Variants in ZNF385B observed in about 807,000 individuals in gnomAD.
ZNF385B encodes the protein zinc finger protein 533.
Under a neutral mutation model 39.2 loss-of-function variants are expected in ZNF385B, and 23 were observed. The observed-to-expected ratio is 0.59, with a 90% CI of 0.42 to 0.83. The LOEUF is 0.83. Ranked by LOEUF, ZNF385B falls within the 40% of genes least tolerant of loss-of-function variation. ZNF385B has a pLI of 0.00. For synonymous variants in ZNF385B, 205 were observed against 222.6 expected, an observed-to-expected ratio of 0.92 and a Z score of 0.70; for missense variants, 552 against 598.9, an observed-to-expected ratio of 0.92 and a Z score of 0.82.
At chr2:179,854,488 G>T (rs1684424939) in intron 1 of ZNF385B, among the ~76,000 whole-genome samples, 1 of 150,960 alleles carries the variant, frequency 6.6e-6, no homozygotes, top group African/African-American at 2.4e-5. Context: ...GGCAAAAACT[G>T]TAACTACTTT....
chr2:179,694,097 C>T (rs1575252759), intron 3 of ZNF385B, among the ~76,000 whole-genome samples: 1 of 152,164 alleles, frequency 6.6e-6, no homozygotes, highest in Non-Finnish European at 1.5e-5. Context: ...TGGGGAAACA[C>T]TTCTTAAATA....
chr2:179,748,083 T>C (rs1702480516), intron 3 of ZNF385B, among the ~76,000 whole-genome samples: 1 of 152,110 alleles, frequency 6.6e-6, no homozygotes, highest in African/African-American at 2.4e-5. Flanking sequence ...AAATGGTACC[T>C]AAGCAGATGT....
chr2:179,682,822 C>T (rs900453397), intron 3 of ZNF385B, among the ~76,000 whole-genome samples: 3 of 152,076 alleles, frequency 2.0e-5, no homozygotes, highest in Non-Finnish European at 2.9e-5. Context: ...ATCCATACTT[C>T]GGGTCTCTGA....
intron 5 of ZNF385B, among the ~76,000 whole-genome samples, chr2:179,488,938 C>G (rs1360925366): frequency 6.6e-6 from 1 of 152,120 alleles, no homozygotes; most frequent in Non-Finnish European, 1.5e-5. Flanking sequence ...AACAAAGACC[C>G]CTACTTGCCA....
At chr2:179,563,702 CAT>C (rs1684204720) in intron 3 of ZNF385B, among the ~76,000 whole-genome samples, 1 of 151,976 alleles carries the variant, frequency 6.6e-6, no homozygotes, top group African/African-American at 2.4e-5. Flanking sequence ...CTAAATGAAA[CAT>C]AGTATGCTAG....
intron 3 of ZNF385B, among the ~76,000 whole-genome samples, chr2:179,730,874 G>T (rs62175193): frequency 0.048 from 7,289 of 152,244 alleles, 253 homozygotes; most frequent in Middle Eastern, 0.099. Flanking sequence ...AAGAGTCCTT[G>T]CCACACACTG....
intron 5 of ZNF385B, among the ~76,000 whole-genome samples, chr2:179,510,145 GCTAT>G (rs66756042): frequency 0.71 from 107,453 of 151,624 alleles, 39,236 homozygotes; most frequent in East Asian, 0.91. Flanking sequence ...TAAAGAAGCT[GCTAT>G]CTATCTTAAG....
intron 1 of ZNF385B, among the ~76,000 whole-genome samples, chr2:179,818,706 G>A (rs1229007813): frequency 6.6e-6 from 1 of 152,074 alleles, no homozygotes; most frequent in Non-Finnish European, 1.5e-5. Flanking sequence ...CAGTTCGTTC[G>A]GCCTCACTAT....
intron 6 of ZNF385B, among the ~76,000 whole-genome samples, chr2:179,457,547 A>G (rs900655787): frequency 6.6e-6 from 1 of 152,104 alleles, no homozygotes; most frequent in Non-Finnish European, 1.5e-5. Context: ...TGGTATCAGT[A>G]TTGTCAGTCC....
At chr2:179,696,326 C>CTTTTTTCT (rs1698746148) in intron 3 of ZNF385B, among the ~76,000 whole-genome samples, 1 of 40,354 alleles carries the variant, frequency 2.5e-5, no homozygotes, top group African/African-American at 1.0e-4. Context: ...CAAACTGGGA[C>CTTTTTTCT]TTTTTTTTTT....
intron 3 of ZNF385B, among the ~76,000 whole-genome samples, chr2:179,597,973 T>C (rs917899746): frequency 2.6e-5 from 4 of 152,046 alleles, no homozygotes; most frequent in Non-Finnish European, 5.9e-5. Context: ...AAAGAGAAAA[T>C]CTTGAAATAA....
intron 1 of ZNF385B, among the ~76,000 whole-genome samples, chr2:179,807,632 A>G (rs1313632690): frequency 6.6e-6 from 1 of 151,726 alleles, no homozygotes; most frequent in East Asian, 1.9e-4. Flanking sequence ...GCGGTGGCTC[A>G]CGCCTGTAAT....
intron 3 of ZNF385B, among the ~76,000 whole-genome samples, chr2:179,760,223 C>CGCGTGTGTGTGTGTGT (rs11282329): frequency 1.8e-4 from 26 of 144,550 alleles, no homozygotes; most frequent in African/African-American, 6.1e-4. Flanking sequence ...TTCCTGTGTG[C>CGCGTGTGTGTGTGTGT]GTGTGTGTGT....
intron 3 of ZNF385B, among the ~76,000 whole-genome samples, chr2:179,628,843 C>T (rs894396798): frequency 6.6e-6 from 1 of 152,162 alleles, no homozygotes; most frequent in Non-Finnish European, 1.5e-5. Flanking sequence ...ACAGTTTGTA[C>T]AGGAACGACA....
At chr2:179,770,878 C>T (rs1184283430) in intron 1 of ZNF385B, among the ~76,000 whole-genome samples, 2 of 152,068 alleles carry the variant, frequency 1.3e-5, no homozygotes, top group Non-Finnish European at 2.9e-5. Flanking sequence ...ATTGCCTTGC[C>T]ATTTTATTTT....
At chr2:179,789,705 C>T (rs1428657606) in intron 1 of ZNF385B, among the ~76,000 whole-genome samples, 1 of 152,162 alleles carries the variant, frequency 6.6e-6, no homozygotes, top group African/African-American at 2.4e-5. Context: ...AACTTCTTTC[C>T]TCTCTCCTCT....
At chr2:179,570,279 C>T (rs1236790932) in intron 3 of ZNF385B, among the ~76,000 whole-genome samples, 1 of 152,156 alleles carries the variant, frequency 6.6e-6, no homozygotes, top group Admixed American at 6.6e-5. Context: ...GGGCTCTCAA[C>T]ATGAAGCTGG....
chr2:179,552,913 T>C (rs1470286673), intron 3 of ZNF385B, among the ~76,000 whole-genome samples: 2 of 149,380 alleles, frequency 1.3e-5, no homozygotes, highest in East Asian at 1.9e-4. Context: ...TATATATACT[T>C]ATACATATTT....
At chr2:179,727,723 G>A (rs1439806441) in intron 3 of ZNF385B, among the ~76,000 whole-genome samples, 2 of 151,856 alleles carry the variant, frequency 1.3e-5, no homozygotes, top group African/African-American at 4.8e-5. Context: ...TAACCACTAT[G>A]GAAAAACAAC....
Sources: gnomAD v4.1 joint callset for allele counts (sites outside exome capture counted in the v4.1 genomes callset) on GRCh38, gnomAD v4.1.1 for gene constraint, MANE v1.5 for transcripts, NCBI Gene and HGNC (gene_info 2026-07-23, HGNC 2026-07-21) for gene names.